Variants in TROAP observed in about 807,000 individuals in gnomAD.
TROAP encodes the protein tastin.
A neutral mutation model predicts 83.4 loss-of-function variants in TROAP; 62 were observed. The observed-to-expected ratio is 0.74, with a 90% CI of 0.61 to 0.92. TROAP has a LOEUF of 0.92. Among genes scored for constraint, TROAP ranks in the 40% least tolerant of loss-of-function variants. TROAP has a pLI of 0.00. For synonymous variants in TROAP, 352 were observed against 386.4 expected (o/e 0.91, Z 1.04); for missense variants, 876 against 985.1 (o/e 0.89, Z 1.48).
chr12:49,329,012 T>C lies in TROAP; in HGVS notation c.977T>C (p.Phe326Ser). The C allele has an allele frequency of 6.2e-7, 1 of 1,611,794 alleles. No individual in the cohort carries two copies. Among genetic ancestry groups the C allele is most frequent in the Non-Finnish European group, 8.5e-7 (1 of 1,178,518 alleles). ...PGHVVPCPSP[F>S]GRAQRVPSPG... ...CATGTGGTGCCATGTCCATCACCCT[T>C]TGGACGGGCTCAGCGTGTACCCTCC... The change falls in exon 9 of 15, where the codon TTT (phenylalanine) becomes TCT (serine). Residue 326 changes from phenylalanine to serine, a missense_variant. Physicochemically the swap from Phe to Ser is radical, Grantham distance 155. This residue lies in a region of TROAP where 689 missense variants were observed against 722.6 expected (regional missense o/e 0.95). Coordinates refer to ENST00000257909, the MANE Select transcript of TROAP (RefSeq NM_005480.4). The surrounding 1 kb of genome is among the most constrained non-coding windows in gnomAD (Gnocchi z 4.5).
At position 49,329,691 on chromosome 12, in the gene TROAP, C is replaced by T. The variant is rs534895210; in HGVS notation, c.1165-166C>T. ...AATTTTAAAAATTAGAAAGTGCTCT[C>T]TGGAAAAGCTGCCTAACTCTCACTG... On this transcript the variant is annotated intron_variant, in intron 11 of 14. Transcript: ENST00000257909. This position sits in a 1 kb window ranked among gnomAD's most constrained non-coding sequence, Gnocchi z 4.5. The T allele has an allele frequency of 8.5e-7, 1 of 1,177,900 alleles. No individual in the cohort carries two copies. The highest frequency in any genetic ancestry group is 2.4e-5 in the East Asian group (1 of 42,494). 73.0% of individuals were successfully genotyped at this position (1,177,900 alleles called of 1,614,324 possible). A position where few individuals can be genotyped will look rare whatever the true frequency, so the allele number is the denominator to read the frequency against.
chr12:49,330,529 A>G lies in TROAP; in HGVS notation c.1684A>G (p.Ser562Gly). 1 of 1,613,506 alleles carries G rather than the reference A, an allele frequency of 6.2e-7. No individual in the cohort carries two copies. Among genetic ancestry groups the G allele is most frequent in the Non-Finnish European group, 8.5e-7 (1 of 1,179,684 alleles). The stretch of plus-strand genomic sequence containing the variant: ...CAGGCCCCTAGAGTCCTGCTGTAGG[A>G]GTGAGCCTGAGATACCGGAGTCCTC... The part of the protein sequence containing the change: ...EPRPLESCCR[S>G]EPEIPESSRQ... Residue 562 changes from serine (S) to glycine (G), a missense_variant, in exon 13 of 15, where the codon AGT becomes GGT. Physicochemically the swap from Ser to Gly is moderately conservative, Grantham distance 56. Transcript: ENST00000257909.
intron 1 of TROAP, 40 bp downstream of exon 1, chr12:49,323,389 G>T (rs1419175266): frequency 5.0e-6 from 3 of 600,504 alleles, no homozygotes; most frequent in Non-Finnish European, 8.7e-6. Context: ...AGGCTGCTGG[G>T]TTCATAGGGA....
intron 8 of TROAP, 21 bp from the exon 9 acceptor site, chr12:49,328,906 C>A: frequency 2.0e-6 from 3 of 1,521,140 alleles, no homozygotes; most frequent in Non-Finnish European, 2.6e-6. Context: ...GATCACTCTT[C>A]CACCTTTTTC....
chr12:49,327,129 C>T, intron 7 of TROAP, 80 bp from the exon 8 acceptor site: 4 of 1,574,944 alleles, frequency 2.5e-6, no homozygotes, highest in Non-Finnish European at 2.6e-6. Context: ...CTAATATACC[C>T]TCTTCAGAAG....
chr12:49,327,907 A>G (rs1943524314), intron 8 of TROAP, among the ~76,000 whole-genome samples: 1 of 152,132 alleles, frequency 6.6e-6, no homozygotes, highest in Non-Finnish European at 1.5e-5. Flanking sequence ...TTAAGTGAAG[A>G]CCAGGGGTTG....
chr12:49,326,312 GC>G (rs1943500447), intron 6 of TROAP, among the ~76,000 whole-genome samples, 154 bp downstream of exon 6: 1 of 152,200 alleles, frequency 6.6e-6, no homozygotes, highest in African/African-American at 2.4e-5. Flanking sequence ...CCCGGGATGA[GC>G]CCTTGGGATA....
rs1943567659 is a variant in TROAP, at chr12:49,330,718, A to C, written c.1873A>C (p.Ser625Arg). 1.9e-6 allele frequency: 3 copies of C among 1,613,952 alleles called. No homozygotes were observed. In the African/African-American group the frequency reaches 4.0e-5, roughly 22 times the overall value. The change falls in exon 13 of 15, where the codon AGC becomes CGC. Residue 625 changes from serine to arginine, a missense_variant. By Grantham distance (110) the Ser-to-Arg change is moderately radical (BLOSUM62 -1). Transcript: ENST00000257909. Reference protein sequence around the residue: ...PPAEPGPLQPSTQGQSGPPGP... With the variant: ...PPAEPGPLQPRTQGQSGPPGP... The stretch of plus-strand genomic sequence containing the variant: ...AGCAGAACCCGGGCCCCTTCAGCCC[A>C]GCACCCAGGGGCAGTCTGGACCCCC...
chr12:49,323,485 G>A (rs1943433410), intron 1 of TROAP, 119 bp from the exon 2 acceptor site: 1 of 1,397,036 alleles, frequency 7.2e-7, no homozygotes, highest in Admixed American at 2.0e-5. Context: ...GCAGGCGCCG[G>A]GGGCTTGTGG....
At position 49,326,067 on chromosome 12, in the gene TROAP, G is replaced by A. The variant is rs1565669522; in HGVS notation, c.634-9G>A. 2 of 1,613,410 alleles carry A rather than the reference G, an allele frequency of 1.2e-6. No individual in the cohort carries two copies. Among genetic ancestry groups the A allele is most frequent in the Admixed American group, 1.7e-5 (1 of 59,998 alleles). ...GATTCCGTTTTCATCTCTTGCTCCT[G>A]TGGATCAGATTTCACCTTCAGGACC... On this transcript the variant is annotated splice_polypyrimidine_tract_variant and intron_variant, in intron 5 of 14. Coordinates refer to ENST00000257909, the MANE Select transcript of TROAP (RefSeq NM_005480.4).
Position 49,324,050 on chromosome 12 carries a change from G to A in TROAP, c.337+13G>A. 1 of 1,612,364 alleles carries A rather than the reference G, an allele frequency of 6.2e-7. No individual in the cohort carries two copies. Among genetic ancestry groups the A allele is most frequent in the Non-Finnish European group, 8.5e-7 (1 of 1,178,884 alleles). ...CCTGCCCAGACAGGTACCTGTTGGAGCCATGGTAACACGGCCTCCATGGCT... is the reference window on the plus strand; with the variant it reads ...CCTGCCCAGACAGGTACCTGTTGGAACCATGGTAACACGGCCTCCATGGCT... On this transcript the variant is annotated intron_variant, in intron 3 of 14. Coordinates refer to ENST00000257909, the MANE Select transcript of TROAP (RefSeq NM_005480.4).
Position 49,330,232 on chromosome 12 carries a change from C to T in TROAP, c.1387C>T (p.Leu463=), listed in dbSNP as rs758928739. ...TGTCCCTCTTAATGGAGGCTCTTCT[C>T]TGGATATGGTTGAACTTCAGCCCCT... ...QCVPLNGGSS[L]DMVELQPLLT... Residue 463 remains leucine, a synonymous_variant, in exon 13 of 15, where the codon CTG becomes TTG. Coordinates refer to ENST00000257909, the MANE Select transcript of TROAP (RefSeq NM_005480.4). The T allele has an allele frequency of 1.1e-5, 17 of 1,614,034 alleles. No individual in the cohort carries two copies. The highest frequency in any genetic ancestry group is 3.3e-5 in the Admixed American group (2 of 60,000).
intron 8 of TROAP, among the ~76,000 whole-genome samples, chr12:49,328,249 A>C: frequency 1.1e-5 from 1 of 92,772 alleles, no homozygotes; most frequent in South Asian, 3.7e-4. Flanking sequence ...TTTGAGATGG[A>C]GTTTCACTCT....
intron 4 of TROAP, 43 bp downstream of exon 4, chr12:49,325,701 A>AG (rs1163002089): frequency 1.9e-5 from 30 of 1,612,630 alleles, no homozygotes; most frequent in Non-Finnish European, 2.5e-5. Flanking sequence ...GGGGGCACTG[A>AG]GGGGGGCATC....
Position 49,330,150 on chromosome 12 carries a change from C to G in TROAP, c.1305C>G (p.Ile435Met). Reference sequence around the variant, plus strand: ...GGTGCTCTCTCCCACCACAGCGCATCGGTATCCTGCAACAGCTGTTGAGAC... The same window carrying G: ...GGTGCTCTCTCCCACCACAGCGCATGGGTATCCTGCAACAGCTGTTGAGAC... ...PSLQEVKIQR[I>M]GILQQLLRQE... Residue 435 changes from isoleucine (I) to methionine (M), a missense_variant, in exon 13 of 15, where the codon ATC becomes ATG. Around this residue, in one of 3 missense-constraint regions of TROAP, gnomAD observed 689 missense variants for 722.6 expected, o/e 0.95. Transcript: ENST00000257909. 1 of 1,613,452 alleles carries G rather than the reference C, an allele frequency of 6.2e-7. No individual in the cohort carries two copies.
At chr12:49,325,265 G>C (rs754252875) in intron 3 of TROAP, among the ~76,000 whole-genome samples, 1 of 149,820 alleles carries the variant, frequency 6.7e-6, no homozygotes, top group Non-Finnish European at 1.5e-5. Context: ...TATGTTGGCC[G>C]GGTTGGTCTC....
intron 8 of TROAP, 72 bp from the exon 9 acceptor site, chr12:49,328,855 C>T: frequency 2.0e-6 from 3 of 1,495,750 alleles, no homozygotes; most frequent in Non-Finnish European, 2.7e-6. Flanking sequence ...CAGAGCGAGA[C>T]TCCGTATCAA....
intron 13 of TROAP, 90 bp downstream of exon 13, chr12:49,331,033 C>T (rs1943573454): frequency 3.2e-6 from 5 of 1,564,314 alleles, no homozygotes; most frequent in Admixed American, 3.3e-5. Flanking sequence ...CCCAGGCAAT[C>T]TCATGCTTCC....
chr12:49,330,622 T>G lies in TROAP; in HGVS notation c.1777T>G (p.Cys593Gly), dbSNP rs1326946741. 1.2e-6 allele frequency: 2 copies of G among 1,610,216 alleles called. No homozygotes were observed. Among genetic ancestry groups the G allele is most frequent in the Admixed American group, 3.4e-5 (2 of 59,342 alleles). ...AGAACCCAGGCCCCTAGAGTCCTACTGTAGGATTGAGCCTGAGATACCGGA... is the reference window on the plus strand; with the variant it reads ...AGAACCCAGGCCCCTAGAGTCCTACGGTAGGATTGAGCCTGAGATACCGGA... ...PAEPRPLESYCRIEPEIPESS... is the reference protein window; with the variant it reads ...PAEPRPLESYGRIEPEIPESS... Residue 593 changes from cysteine (C) to glycine (G), a missense_variant, in exon 13 of 15, where the codon TGT becomes GGT. Coordinates refer to ENST00000257909, the MANE Select transcript of TROAP (RefSeq NM_005480.4).
Sources: gnomAD v4.1 joint callset for allele counts (sites outside exome capture counted in the v4.1 genomes callset) on GRCh38, gnomAD v4.1.1 for gene constraint, gnomAD v4.1.1 regional missense constraint, Gnocchi (gnomAD v3.1) non-coding constraint, MANE v1.5 for transcripts, NCBI Gene and HGNC (gene_info 2026-07-23, HGNC 2026-07-21) for gene names.